The following PAPOLB variants were observed in gnomAD, a reference collection of about 807,000 sequenced individuals.
The protein encoded by PAPOLB is PAP-beta.
In PAPOLB, 19 loss-of-function variants were observed where a neutral mutation model predicts 23.2. The ratio of observed to expected loss-of-function variants is 0.82; its 90% CI spans 0.57 to 1.20. The LOEUF is 1.20. Among genes scored for constraint, PAPOLB ranks in the 50% most tolerant of loss-of-function variants. The pLI is 0.00. For missense variants in PAPOLB, 822 were observed against 776.8 expected (o/e 1.06, Z -0.69); for synonymous variants, 360 against 290.7 (o/e 1.24, Z -2.43).
Position 4,860,862 on chromosome 7 carries a change from T to C in PAPOLB, c.949A>G (p.Ile317Val), listed in dbSNP as rs1783971791. The C allele has an allele frequency of 6.2e-7, 1 of 1,614,196 alleles. No individual in the cohort carries two copies. The highest frequency in any genetic ancestry group is 8.5e-7 in the Non-Finnish European group (1 of 1,180,014). The change falls in exon 1 of 1, where the codon ATC becomes GTC. Residue 317 changes from isoleucine (I) to valine (V), a missense_variant. Around this residue, in one of 3 missense-constraint regions of PAPOLB, gnomAD observed 534 missense variants for 502.8 expected, o/e 1.06. Transcript: ENST00000404991. ...PSDRYHLMPI[I>V]TPAYPQQNST... Reference sequence around the variant, plus strand: ...TTCTGCTGTGGGTATGCTGGTGTGATGATAGGCATAAGATGGTACCTATCA... The same window carrying C: ...TTCTGCTGTGGGTATGCTGGTGTGACGATAGGCATAAGATGGTACCTATCA...
rs1376690776 is a variant in PAPOLB at position 4,858,941 on chromosome 7, G to T, written c.*956C>A. 1 of 152,212 alleles carries T rather than the reference G, an allele frequency of 6.6e-6. No homozygotes were observed. The allele number at this position is 152,212 out of a possible 1,614,324, so 9.4% of individuals were successfully genotyped here. On this transcript the variant is annotated 3_prime_UTR_variant, in exon 1 of 1. Coordinates refer to ENST00000404991, the MANE Select transcript of PAPOLB (RefSeq NM_020144.5). ...TTAGGACTAATGATTGAGGACAAGA[G>T]AATATGGAGCTTTGATAGCTCAAAG...
In PAPOLB at chr7:4,860,708, A is replaced by C; in HGVS notation, c.1103T>G (p.Phe368Cys). 6.2e-7 allele frequency: 1 copy of C among 1,614,166 alleles called. No individual in the cohort carries two copies. The highest frequency in any genetic ancestry group is 1.3e-5 in the African/African-American group (1 of 75,062). ...AATATAATGCTTGTACTTTTGAAAG[A>C]AGCTTGGAGCTTCAAAGAGTTTGGA... ...EWSKLFEAPSFFQKYKHYIVL... is the reference protein window; with the variant it reads ...EWSKLFEAPSCFQKYKHYIVL... Residue 368 changes from phenylalanine (F) to cysteine (C), a missense_variant, in exon 1 of 1, where the codon TTC becomes TGC. By Grantham distance (205) the Phe-to-Cys change is radical. This residue lies in a region of PAPOLB where 534 missense variants were observed against 502.8 expected (regional missense o/e 1.06). Coordinates refer to ENST00000404991, the MANE Select transcript of PAPOLB (RefSeq NM_020144.5).
At position 4,859,848 on chromosome 7, in the gene PAPOLB, T is replaced by G; in HGVS notation, c.*49A>C. 7.6e-7 allele frequency: 1 copy of G among 1,318,606 alleles called. No homozygotes were observed. Among genetic ancestry groups the G allele is most frequent in the East Asian group, 2.3e-5 (1 of 43,318 alleles). The allele number at this position is 1,318,606 out of a possible 1,614,324, so 81.7% of individuals were successfully genotyped here. A position where few individuals can be genotyped will look rare whatever the true frequency, so the allele number is the denominator to read the frequency against. On this transcript the variant is annotated 3_prime_UTR_variant, in exon 1 of 1. Coordinates refer to ENST00000404991, the MANE Select transcript of PAPOLB (RefSeq NM_020144.5). ...GAGTTTCTCCTCTTCCGTTTTGGTTTTCTTGGTCCTTTCTTCTTTATGAGG... is the reference window on the plus strand; with the variant it reads ...GAGTTTCTCCTCTTCCGTTTTGGTTGTCTTGGTCCTTTCTTCTTTATGAGG...
chr7:4,859,632 G>C lies in PAPOLB; in HGVS notation c.*265C>G. 2.4e-6 allele frequency: 1 copy of C among 424,234 alleles called. No homozygotes were observed. Among genetic ancestry groups the C allele is most frequent in the Non-Finnish European group, 4.3e-6 (1 of 233,618 alleles). 26.3% of individuals were successfully genotyped at this position (424,234 alleles called of 1,614,324 possible). A position where few individuals can be genotyped will look rare whatever the true frequency, so the allele number is the denominator to read the frequency against. On this transcript the variant is annotated 3_prime_UTR_variant, in exon 1 of 1. Transcript: ENST00000404991. Reference sequence around the variant, plus strand: ...TATTTGAAGACAACAGGTTCAGTTGGCAGATATTGTTCATGGACCCTTGAG... The same window carrying C: ...TATTTGAAGACAACAGGTTCAGTTGCCAGATATTGTTCATGGACCCTTGAG...
Position 4,859,857 on chromosome 7 carries a change from C to T in PAPOLB, c.*40G>A. The T allele has an allele frequency of 1.4e-6, 2 of 1,400,740 alleles. No individual in the cohort carries two copies. The highest frequency in any genetic ancestry group is 2.0e-6 in the Non-Finnish European group (2 of 1,012,836). 86.8% of individuals were successfully genotyped at this position (1,400,740 alleles called of 1,614,324 possible). A position where few individuals can be genotyped will look rare whatever the true frequency, so the allele number is the denominator to read the frequency against. ...CTCTTCCGTTTTGGTTTTCTTGGTC[C>T]TTTCTTCTTTATGAGGCAAGAATAT... On this transcript the variant is annotated 3_prime_UTR_variant, in exon 1 of 1. Transcript: ENST00000404991.
At position 4,861,776 on chromosome 7, in the gene PAPOLB, G is replaced by A. The variant is rs116405083; in HGVS notation, c.35C>T (p.Pro12Leu). ...GCGATTCGGCGGCGGCGCCGGCTGC[G>A]GTGGTCCCTGGGTTGTCACCGGAAA... ...MPFPVTTQGP[P>L]QPAPPPNRYG... Residue 12 changes from proline (P) to leucine (L), a missense_variant, in exon 1 of 1, where the codon CCG becomes CTG. Coordinates refer to ENST00000404991, the MANE Select transcript of PAPOLB (RefSeq NM_020144.5). 1.5e-3 allele frequency: 2,234 copies of A among 1,486,222 alleles called. 32 individuals carry two copies. The African/African-American group carries it at 0.028, about 19-fold the overall frequency. 92.1% of individuals were successfully genotyped at this position (1,486,222 alleles called of 1,614,324 possible).
chr7:4,859,891 C>A lies in PAPOLB; in HGVS notation c.*6G>T, dbSNP rs1783931978. 1 of 1,566,278 alleles carries A rather than the reference C, an allele frequency of 6.4e-7. No individual in the cohort carries two copies. The highest frequency in any genetic ancestry group is 1.4e-5 in the African/African-American group (1 of 73,650). On this transcript the variant is annotated 3_prime_UTR_variant, in exon 1 of 1. Transcript: ENST00000404991. ...TTATGAGGCAAGAATATCCTCTAGACTCCAACTATAGGATTAGATATGTTT... is the reference window on the plus strand; with the variant it reads ...TTATGAGGCAAGAATATCCTCTAGAATCCAACTATAGGATTAGATATGTTT...
rs1294688105 is a variant in PAPOLB, at chr7:4,861,732, T to C, written c.79A>G (p.Ile27Val). The C allele has an allele frequency of 8.5e-6, 13 of 1,527,052 alleles. No individual in the cohort carries two copies. The highest frequency in any genetic ancestry group is 2.3e-5 in the East Asian group (1 of 43,812). 94.6% of individuals were successfully genotyped at this position (1,527,052 alleles called of 1,614,324 possible). Reference protein sequence around the residue: ...PPNRYGVSSPISLAVPKETDC... With the variant: ...PPNRYGVSSPVSLAVPKETDC... ...GTCTCCTTGGGGACCGCTAGACTGA[T>C]AGGCGAGGAGACGCCGTAGCGATTC... Residue 27 changes from isoleucine (I) to valine (V), a missense_variant, in exon 1 of 1, where the codon ATC becomes GTC. Coordinates refer to ENST00000404991, the MANE Select transcript of PAPOLB (RefSeq NM_020144.5).
rs369419952 is a variant in PAPOLB at position 4,860,873 on chromosome 7, A to C, written c.938T>G (p.Leu313Arg). Residue 313 changes from leucine (L) to arginine (R), a missense_variant, in exon 1 of 1, where the codon CTT becomes CGT. Leu to Arg is a moderately radical substitution (Grantham distance 102). Coordinates refer to ENST00000404991, the MANE Select transcript of PAPOLB (RefSeq NM_020144.5). ...PRVNPSDRYH[L>R]MPIITPAYPQ... The stretch of plus-strand genomic sequence containing the variant: ...GTATGCTGGTGTGATGATAGGCATA[A>C]GATGGTACCTATCACTGGGATTTAC... The C allele has an allele frequency of 2.7e-5, 44 of 1,614,056 alleles. No individual in the cohort carries two copies. In the African/African-American group the frequency reaches 5.6e-4, roughly 21 times the overall value.
Position 4,857,738 on chromosome 7 carries a change from T to G in PAPOLB, c.*2159A>C, listed in dbSNP as rs1208050975. 3 of 152,768 alleles carry G rather than the reference T, an allele frequency of 2.0e-5. No individual in the cohort carries two copies. Among genetic ancestry groups the G allele is most frequent in the Admixed American group, 1.3e-4 (2 of 15,298 alleles). The allele number at this position is 152,768 out of a possible 1,614,324, so 9.5% of individuals were successfully genotyped here. ...GTCCAGTATTTTAGTTTCACTTTGC[T>G]TGTTTGCCATTTATTTTTATTGCAT... On this transcript the variant is annotated 3_prime_UTR_variant, in exon 1 of 1. Transcript: ENST00000404991.
At position 4,861,955 on chromosome 7, in the gene PAPOLB, C is replaced by T. The variant is rs1406342379; in HGVS notation, c.-145G>A. On this transcript the variant is annotated 5_prime_UTR_variant, in exon 1 of 1. Transcript: ENST00000404991. ...ACTCCCACTCCCGCTGCGCGCCCGC[C>T]GCTTCAGGAGCTTCTCCTCCTTCCC... The T allele has an allele frequency of 4.1e-6, 2 of 483,956 alleles. No individual in the cohort carries two copies. Among genetic ancestry groups the T allele is most frequent in the African/African-American group, 2.0e-5 (1 of 49,268 alleles). 30.0% of individuals were successfully genotyped at this position (483,956 alleles called of 1,614,324 possible).
Position 4,861,323 on chromosome 7 carries a change from T to A in PAPOLB, c.488A>T (p.Asp163Val), listed in dbSNP as rs766522122. 6.2e-6 allele frequency: 10 copies of A among 1,613,880 alleles called. No individual in the cohort carries two copies. The Admixed American group carries it at 1.3e-4, about 22-fold the overall frequency. ...AAATAAAATATCAATCTCTATCCCA[T>A]CAAAACACAGTTTGATAACTGGCAC... Reference protein sequence around the residue: ...AFVPVIKLCFDGIEIDILFAR... With the variant: ...AFVPVIKLCFVGIEIDILFAR... The change falls in exon 1 of 1, where the codon GAT becomes GTT. Residue 163 changes from aspartate (D) to valine (V), a missense_variant. Asp to Val is a radical substitution (Grantham distance 152). This residue lies in a region of PAPOLB where 276 missense variants were observed against 243.9 expected (regional missense o/e 1.13). Transcript: ENST00000404991.
Position 4,861,333 on chromosome 7 carries a change from G to T in PAPOLB, c.478C>A (p.Leu160Met). 6.2e-7 allele frequency: 1 copy of T among 1,613,490 alleles called. No homozygotes were observed. ...VEEAFVPVIK[L>M]CFDGIEIDIL... ...TCAATCTCTATCCCATCAAAACACA[G>T]TTTGATAACTGGCACAAATGCCTCC... Residue 160 changes from leucine (L) to methionine (M), a missense_variant, in exon 1 of 1, where the codon CTG becomes ATG. Around this residue, in one of 3 missense-constraint regions of PAPOLB, gnomAD observed 276 missense variants for 243.9 expected, o/e 1.13. Coordinates refer to ENST00000404991, the MANE Select transcript of PAPOLB (RefSeq NM_020144.5).
rs964519042 is a variant in PAPOLB, at chr7:4,860,372, A to C, written c.1439T>G (p.Met480Arg). Residue 480 changes from methionine (M) to arginine (R), a missense_variant, in exon 1 of 1, where the codon ATG becomes AGG. Transcript: ENST00000404991. ...ATGCATTGCAGTAATTTTCATACCC[A>C]TCTCAAACATCTTACTATTCACTGC... ...RQAVNSKMFEMGMKITAMHLR... is the reference protein window; with the variant it reads ...RQAVNSKMFERGMKITAMHLR... 1 of 1,613,934 alleles carries C rather than the reference A, an allele frequency of 6.2e-7. No homozygotes were observed. Among genetic ancestry groups the C allele is most frequent in the African/African-American group, 1.3e-5 (1 of 75,054 alleles).
chr7:4,857,851 T>A lies in PAPOLB; in HGVS notation c.*2046A>T, dbSNP rs974856407. On this transcript the variant is annotated 3_prime_UTR_variant, in exon 1 of 1. Transcript: ENST00000404991. ...TACCATAAAACAAAGCAAACTCCAC[T>A]CACTAGGTACATCACATGAAAAAAT... 1 of 152,570 alleles carries A rather than the reference T, an allele frequency of 6.6e-6. No individual in the cohort carries two copies. 9.5% of individuals were successfully genotyped at this position (152,570 alleles called of 1,614,324 possible).
rs1399207021 is a variant in PAPOLB, at chr7:4,860,440, G to C, written c.1371C>G (p.Leu457=). 6.2e-7 allele frequency: 1 copy of C among 1,614,138 alleles called. No homozygotes were observed. Among genetic ancestry groups the C allele is most frequent in the Non-Finnish European group, 8.5e-7 (1 of 1,179,982 alleles). Residue 457 remains leucine, a synonymous_variant, in exon 1 of 1, where the codon CTC becomes CTG. Transcript: ENST00000404991. ...PDNSEILSID[L]TYDIQSFTDT... ...CTGTGAAAGACTGGATATCATAGGT[G>C]AGATCAATGCTGAGAATTTCAGAAT... is the stretch of plus-strand genomic sequence containing the variant.
chr7:4,859,635 G>T lies in PAPOLB; in HGVS notation c.*262C>A. 1 of 434,672 alleles carries T rather than the reference G, an allele frequency of 2.3e-6. No homozygotes were observed. Among genetic ancestry groups the T allele is most frequent in the South Asian group, 3.1e-5 (1 of 32,786 alleles). The allele number at this position is 434,672 out of a possible 1,614,324, so 26.9% of individuals were successfully genotyped here. A position where few individuals can be genotyped will look rare whatever the true frequency, so the allele number is the denominator to read the frequency against. On this transcript the variant is annotated 3_prime_UTR_variant, in exon 1 of 1. Coordinates refer to ENST00000404991, the MANE Select transcript of PAPOLB (RefSeq NM_020144.5). The stretch of plus-strand genomic sequence containing the variant: ...TTGAAGACAACAGGTTCAGTTGGCA[G>T]ATATTGTTCATGGACCCTTGAGGTT...
rs201639976 is a variant in PAPOLB at position 4,860,999 on chromosome 7, C to T, written c.812G>A (p.Arg271Gln). ...TTCTGAAAATACCAAGAAGAATTTC[C>T]GTACAAGAGTTGACGCTACTGCATT... ...YPNAVASTLV[R>Q]KFFLVFSEWE... Residue 271 changes from arginine (R) to glutamine (Q), a missense_variant, in exon 1 of 1, where the codon CGG becomes CAG. This residue lies in a region of PAPOLB where 534 missense variants were observed against 502.8 expected (regional missense o/e 1.06). Transcript: ENST00000404991. The T allele has an allele frequency of 3.3e-5, 54 of 1,614,060 alleles. No homozygotes were observed. Among genetic ancestry groups the T allele is most frequent in the Non-Finnish European group, 4.2e-5 (50 of 1,180,030 alleles).
At position 4,860,507 on chromosome 7, in the gene PAPOLB, C is replaced by T. The variant is rs779700468; in HGVS notation, c.1304G>A (p.Arg435His). 5 of 1,614,066 alleles carry T rather than the reference C, an allele frequency of 3.1e-6. No homozygotes were observed. The highest frequency in any genetic ancestry group is 1.1e-5 in the South Asian group (1 of 91,076). Residue 435 changes from arginine (R) to histidine (H), a missense_variant, in exon 1 of 1, where the codon CGT (arginine) becomes CAT (histidine). Physicochemically the swap from Arg to His is conservative, Grantham distance 29. Transcript: ENST00000404991. ...CCCTAACCCAATCACCCACATTGTA[C>T]GAAATTCTTCCATATCAGGATTTTC... ...PKENPDMEEFRTMWVIGLGLK... is the reference protein window; with the variant it reads ...PKENPDMEEFHTMWVIGLGLK...
Sources: allele counts gnomAD v4.1 joint callset, GRCh38; gene constraint gnomAD v4.1.1; regional missense constraint gnomAD v4.1.1; transcripts MANE v1.5; gene names NCBI Gene and HGNC (gene_info 2026-07-23, HGNC 2026-07-21).